The following PPP2R1B variants were observed in gnomAD, a reference collection of about 807,000 sequenced individuals.
PPP2R1B encodes the protein protein phosphatase 2 scaffold subunit Abeta.
A neutral mutation model predicts 72.7 loss-of-function variants in PPP2R1B; 58 were observed. That is an observed-to-expected ratio of 0.80 (90% CI 0.65 to 0.99). The LOEUF (loss-of-function observed/expected upper bound fraction) is 0.99, where lower values mean the gene tolerates loss of function less well. Among genes scored for constraint, PPP2R1B ranks in the 50% least tolerant of loss-of-function variants. The probability of loss-of-function intolerance (pLI) is 0.00; values close to 1 mark genes in which losing one functional copy is unlikely to be tolerated. For synonymous variants in PPP2R1B, 256 were observed against 264.6 expected (o/e 0.97, Z 0.32); for missense variants, 695 against 733.6 (o/e 0.95, Z 0.61).
the PPP2R1B span, chr11:111,719,775 G>A: frequency 2.5e-6 from 4 of 1,612,796 alleles, no homozygotes; most frequent in Non-Finnish European, 3.4e-6. Flanking sequence ...TGGCGTTTAG[G>A]TCAATGGCTG....
At chr11:111,735,453 G>C (rs1477098363), downstream of PPP2R1B, 2 of 152,242 alleles carry the variant, frequency 1.3e-5, no homozygotes, top group Non-Finnish European at 2.9e-5. Context: ...CCCGTCAGCA[G>C]CTTCAGCGGG....
Position 111,739,870 on chromosome 11 carries a change from C to T in PPP2R1B, c.*1726G>A, listed in dbSNP as rs919654123. 1.0e-6 allele frequency: 1 copy of T among 980,140 alleles called. No homozygotes were observed. The highest frequency in any genetic ancestry group is 1.2e-6 in the Non-Finnish European group (1 of 825,252). The allele number at this position is 980,140 out of a possible 1,614,324, so 60.7% of individuals were successfully genotyped here. ...TTAGGAAAATACTTAATTCTTGGCC[C>T]AAAGTCATAAAATAGAAACTTACTA... On this transcript the variant is annotated 3_prime_UTR_variant, in exon 15 of 15. Coordinates refer to ENST00000527614, the MANE Select transcript of PPP2R1B (RefSeq NM_002716.5).
At chr11:111,734,748 C>T (rs1944291111), downstream of PPP2R1B, among the ~76,000 whole-genome samples, 1 of 152,218 alleles carries the variant, frequency 6.6e-6, no homozygotes, top group South Asian at 2.1e-4. Context: ...AATCCGCTGG[C>T]CAAGAGGTTG....
chr11:111,734,954 G>C (rs572807253), downstream of PPP2R1B, among the ~76,000 whole-genome samples: 13 of 152,342 alleles, frequency 8.5e-5, no homozygotes, highest in African/African-American at 2.9e-4. Flanking sequence ...CTCAGGCCCA[G>C]AACAGCCTGG....
At chr11:111,700,641 C>G in the PPP2R1B span, among the ~76,000 whole-genome samples, 1 of 152,150 alleles carries the variant, frequency 6.6e-6, no homozygotes, top group Non-Finnish European at 1.5e-5. Context: ...TTTCCAGTCT[C>G]TCACTTACTC....
At chr11:111,765,235 G>A in intron 2 of PPP2R1B, 59 bp downstream of exon 2, 1 of 1,489,606 alleles carries the variant, frequency 6.7e-7, no homozygotes. Flanking sequence ...AAAAGTCAGT[G>A]TTGAAAGCTA....
At chr11:111,723,963 C>G (rs1322865770), downstream of PPP2R1B, 48 of 1,614,012 alleles carry the variant, frequency 3.0e-5, no homozygotes, top group Non-Finnish European at 3.9e-5. Context: ...GTGGATGGAG[C>G]CCAGCAGAGC....
the PPP2R1B span, among the ~76,000 whole-genome samples, chr11:111,706,694 G>T: frequency 6.6e-6 from 1 of 152,096 alleles, no homozygotes; most frequent in African/African-American, 2.4e-5. Context: ...GGGCGTGGTG[G>T]CTCACACCTG....
intron 3 of PPP2R1B, among the ~76,000 whole-genome samples, chr11:111,763,171 C>T (rs906871472): frequency 1.3e-5 from 2 of 152,184 alleles, no homozygotes; most frequent in Non-Finnish European, 2.9e-5. Flanking sequence ...GAGCCAGCCA[C>T]AGAAAGCTTG....
At chr11:111,749,306 C>T (rs958611598) in intron 10 of PPP2R1B, among the ~76,000 whole-genome samples, 2 of 149,752 alleles carry the variant, frequency 1.3e-5, no homozygotes, top group African/African-American at 4.9e-5. Context: ...GTTGTCGAGA[C>T]GGAATCTCTC....
At chr11:111,695,300 CATT>C in the PPP2R1B span, among the ~76,000 whole-genome samples, 3 of 152,128 alleles carry the variant, frequency 2.0e-5, no homozygotes, top group South Asian at 4.2e-4. Flanking sequence ...ATAAATTAGA[CATT>C]ATAACACACT....
chr11:111,757,987 C>CCA (rs2136098747), intron 5 of PPP2R1B, among the ~76,000 whole-genome samples: 1 of 152,258 alleles, frequency 6.6e-6, no homozygotes, highest in Admixed American at 6.5e-5. Flanking sequence ...GATTCCTCTC[C>CCA]CACTGATCCA....
chr11:111,722,225 C>T (rs1305105157), downstream of PPP2R1B, among the ~76,000 whole-genome samples: 1 of 152,174 alleles, frequency 6.6e-6, no homozygotes, highest in African/African-American at 2.4e-5. This position sits in a 1 kb window ranked among gnomAD's most constrained non-coding sequence, Gnocchi z 4.4. Flanking sequence ...TTGTATTCCT[C>T]TTAATGAGTA....
At chr11:111,694,438 C>T in the PPP2R1B span, among the ~76,000 whole-genome samples, 44 of 152,074 alleles carry the variant, frequency 2.9e-4, no homozygotes, top group Non-Finnish European at 1.2e-4. Flanking sequence ...AAGAGGAATG[C>T]TTCCTTTCTG....
At chr11:111,713,997 C>A in the PPP2R1B span, among the ~76,000 whole-genome samples, 1 of 152,072 alleles carries the variant, frequency 6.6e-6, no homozygotes, top group African/African-American at 2.4e-5. Flanking sequence ...ATGATCAGTC[C>A]TTTAAGGAAG....
intron 10 of PPP2R1B, among the ~76,000 whole-genome samples, chr11:111,748,364 C>A (rs1944779109): frequency 6.6e-6 from 1 of 152,254 alleles, no homozygotes; most frequent in Non-Finnish European, 1.5e-5. Flanking sequence ...CAGGAAAACA[C>A]CTGTCAGTAA....
chr11:111,743,666 C>A, intron 11 of PPP2R1B, 136 bp from the exon 12 acceptor site: 1 of 1,062,898 alleles, frequency 9.4e-7, no homozygotes, highest in Admixed American at 2.6e-5. Flanking sequence ...AATCATGCTG[C>A]AATGACAAGC....
intron 3 of PPP2R1B, among the ~76,000 whole-genome samples, chr11:111,763,696 T>C (rs1322483748): frequency 2.6e-5 from 4 of 152,208 alleles, no homozygotes; most frequent in African/African-American, 7.2e-5. Flanking sequence ...AGTGGGAAGA[T>C]AGTGATACCA....
Position 111,755,328 on chromosome 11 carries a change from G to A in PPP2R1B, c.810C>T (p.Arg270=), listed in dbSNP as rs782639209. The A allele has an allele frequency of 7.0e-5, 113 of 1,611,512 alleles. No individual in the cohort carries two copies. Among genetic ancestry groups the A allele is most frequent in the Non-Finnish European group, 8.6e-5 (102 of 1,179,484 alleles). ...LRQAAEDKSW[R]VRYMVADRFS... ...ATCTGTCAGCCACCATATAGCGAAC[G>A]CGCCAAGATTTATCTTCTGCTGCTT... Residue 270 remains arginine (R), a synonymous_variant, in exon 6 of 15, where the codon CGC becomes CGT. Transcript: ENST00000527614.
Sources: gnomAD v4.1 joint callset for allele counts (sites outside exome capture counted in the v4.1 genomes callset) on GRCh38, gnomAD v4.1.1 for gene constraint, Gnocchi (gnomAD v3.1) non-coding constraint, MANE v1.5 for transcripts, NCBI Gene and HGNC (gene_info 2026-07-23, HGNC 2026-07-21) for gene names.